The following CRACDL variants were observed in gnomAD, a reference collection of about 807,000 sequenced individuals.
CRACDL encodes CRACD-like protein.
A neutral mutation model predicts 70.6 loss-of-function variants in CRACDL; 26 were observed. The observed-to-expected ratio is 0.37, with a 90% CI of 0.27 to 0.51. CRACDL has a LOEUF of 0.51. Among genes scored for constraint, CRACDL ranks in the 20% least tolerant of loss-of-function variants. The pLI is 0.94. For missense variants in CRACDL, 1,283 were observed against 1,376.9 expected (o/e 0.93, Z 1.08); for synonymous variants, 618 against 615.2 (o/e 1.00, Z -0.07).
At chr2:98,892,199 A>G (rs1039195811) in intron 1 of CRACDL, among the ~76,000 whole-genome samples, 1 of 152,204 alleles carries the variant, frequency 6.6e-6, no homozygotes, top group Non-Finnish European at 1.5e-5. Flanking sequence ...TCTATTCTAC[A>G]GAAATATTCA....
intron 1 of CRACDL, among the ~76,000 whole-genome samples, chr2:98,856,094 A>G (rs933449368): frequency 6.6e-6 from 1 of 152,204 alleles, no homozygotes; most frequent in Non-Finnish European, 1.5e-5. Context: ...AATTTGAGGA[A>G]AAACAGTAAT....
intron 2 of CRACDL, among the ~76,000 whole-genome samples, chr2:98,843,887 T>C (rs1203144357): frequency 1.3e-5 from 2 of 152,344 alleles, no homozygotes; most frequent in South Asian, 4.1e-4. Context: ...TGCCAATATC[T>C]GCAAAAAGTT....
intron 1 of CRACDL, among the ~76,000 whole-genome samples, chr2:98,874,759 C>T (rs772109755): frequency 6.6e-6 from 1 of 152,216 alleles, no homozygotes; most frequent in Non-Finnish European, 1.5e-5. Flanking sequence ...ACCACCCCAC[C>T]ATTAGAGGTA....
At chr2:98,831,500 A>G (rs1323282032) in intron 5 of CRACDL, among the ~76,000 whole-genome samples, 1 of 152,196 alleles carries the variant, frequency 6.6e-6, no homozygotes, top group Non-Finnish European at 1.5e-5. Flanking sequence ...GTGTGGCTAT[A>G]AAAAATAAAC....
intron 1 of CRACDL, among the ~76,000 whole-genome samples, chr2:98,853,286 A>G (rs1337793303): frequency 6.6e-6 from 1 of 152,212 alleles, no homozygotes; most frequent in Non-Finnish European, 1.5e-5. Flanking sequence ...GGCAAACAAC[A>G]ATATAAATGA....
At chr2:98,842,578 C>T (rs192666310) in intron 2 of CRACDL, among the ~76,000 whole-genome samples, 54 of 152,208 alleles carry the variant, frequency 3.5e-4, no homozygotes, top group African/African-American at 1.1e-3. Flanking sequence ...TCCCCGCTAC[C>T]TTTAACCCCT....
intron 7 of CRACDL, among the ~76,000 whole-genome samples, chr2:98,801,162 C>G (rs1312054718): frequency 6.6e-6 from 1 of 152,256 alleles, no homozygotes; most frequent in African/African-American, 2.4e-5. Flanking sequence ...TCTCTTCTTT[C>G]TCACCTTTTT....
At chr2:98,832,735 G>T in intron 4 of CRACDL, 127 bp downstream of exon 4, 1 of 1,250,518 alleles carries the variant, frequency 8.0e-7, no homozygotes, top group Non-Finnish European at 1.2e-6. Context: ...GTGTGTCCTG[G>T]GGGAGCTGTC....
Position 98,823,379 on chromosome 2 carries a change from G to C in CRACDL, c.894C>G (p.Pro298=), listed in dbSNP as rs1415080786. 6.5e-7 allele frequency: 1 copy of C among 1,536,350 alleles called. No individual in the cohort carries two copies. The highest frequency in any genetic ancestry group is 1.2e-5 in the South Asian group (1 of 84,438). The change falls in exon 7 of 10, where the codon CCC becomes CCG. Residue 298 remains proline (P), a synonymous_variant. Transcript: ENST00000397899. This position sits in a 1 kb window ranked among gnomAD's most constrained non-coding sequence, Gnocchi z 4.0. ...CACGGGCCCCTCCGGGTGGCGGCAA[G>C]GGCGCCGGTGGCCCAGGCTCAGGGC... ...DRGPEPGPPA[P]LPPPGGARAR...
intron 1 of CRACDL, among the ~76,000 whole-genome samples, chr2:98,901,906 G>A (rs912215334): frequency 1.3e-5 from 2 of 152,036 alleles, no homozygotes; most frequent in Admixed American, 6.6e-5. Context: ...CCAAGAACTC[G>A]CGAGCCGGGC....
chr2:98,868,623 C>T (rs1707233416), intron 1 of CRACDL, among the ~76,000 whole-genome samples: 1 of 152,160 alleles, frequency 6.6e-6, no homozygotes, highest in Non-Finnish European at 1.5e-5. Flanking sequence ...AAGGCTGTGG[C>T]TATCAGTTGA....
chr2:98,927,506 A>C (rs1368260066), intron 1 of CRACDL, among the ~76,000 whole-genome samples: 4 of 152,108 alleles, frequency 2.6e-5, no homozygotes, highest in African/African-American at 4.8e-5. Flanking sequence ...TTGGGGAAAA[A>C]AAAAAAAAAA....
At chr2:98,889,961 T>C (rs569769556) in intron 1 of CRACDL, among the ~76,000 whole-genome samples, 1 of 152,128 alleles carries the variant, frequency 6.6e-6, no homozygotes, top group Non-Finnish European at 1.5e-5. Context: ...TTGATATTAA[T>C]AAAAACAAAA....
At chr2:98,818,823 C>A (rs2104454785) in intron 7 of CRACDL, among the ~76,000 whole-genome samples, 1 of 152,276 alleles carries the variant, frequency 6.6e-6, no homozygotes, top group Non-Finnish European at 1.5e-5. Context: ...CATGAGATAG[C>A]CCCTCAAGGT....
chr2:98,849,865 C>T (rs532448838), intron 1 of CRACDL, among the ~76,000 whole-genome samples: 15 of 152,160 alleles, frequency 9.9e-5, no homozygotes, highest in Non-Finnish European at 1.6e-4. Context: ...TAGGCAGTCC[C>T]GGGGTGGCAT....
chr2:98,920,891 C>A (rs1457105827), intron 1 of CRACDL, among the ~76,000 whole-genome samples: 1 of 152,208 alleles, frequency 6.6e-6, no homozygotes, highest in African/African-American at 2.4e-5. Flanking sequence ...TGCGTGTTGA[C>A]AAACTGGATC....
At chr2:98,839,190 C>T (rs1270831490) in intron 2 of CRACDL, among the ~76,000 whole-genome samples, 2 of 152,126 alleles carry the variant, frequency 1.3e-5, no homozygotes, top group African/African-American at 4.8e-5. Context: ...TATATTATTG[C>T]CTCCTTGGGA....
chr2:98,929,837 G>A (rs1326602693), intron 1 of CRACDL, among the ~76,000 whole-genome samples: 3 of 152,142 alleles, frequency 2.0e-5, no homozygotes, highest in East Asian at 3.9e-4. Flanking sequence ...TAGAGCAGGT[G>A]TATATCAAAC....
intron 1 of CRACDL, among the ~76,000 whole-genome samples, chr2:98,918,691 T>G (rs1237735522): frequency 6.6e-6 from 1 of 152,194 alleles, no homozygotes; most frequent in African/African-American, 2.4e-5. Context: ...TGATTAGTGA[T>G]GTTGAGCATT....
Sources: allele counts gnomAD v4.1 joint callset (sites outside exome capture counted in the v4.1 genomes callset), GRCh38; gene constraint gnomAD v4.1.1; non-coding constraint Gnocchi (gnomAD v3.1); transcripts MANE v1.5; gene names NCBI Gene and HGNC (gene_info 2026-07-23, HGNC 2026-07-21).